PRPF8: variants seen among roughly 807,000 people sequenced by gnomAD.
PRPF8 encodes the protein pre-mRNA processing factor 8, also known as pre-mRNA-processing-splicing factor 8.
Under a neutral mutation model 285.9 loss-of-function variants are expected in PRPF8, and 64 were observed. The ratio of observed to expected loss-of-function variants is 0.22; its 90% CI spans 0.18 to 0.28. PRPF8 has a LOEUF of 0.28. PRPF8 is among the 10% of genes least tolerant of loss of function. PRPF8 has a pLI of 1.00. For synonymous variants in PRPF8, 1,325 were observed against 1,118.2 expected, an observed-to-expected ratio of 1.18 and a Z score of -3.69; for missense variants, 1,426 against 3,026.7, an observed-to-expected ratio of 0.47 and a Z score of 12.41.
intron 13 of PRPF8, 60 bp downstream of exon 13, chr17:1,678,458 A>G (rs1472681149): frequency 3.7e-6 from 6 of 1,607,560 alleles, no homozygotes; most frequent in East Asian, 2.2e-5. Context: ...ACACCAGCCC[A>G]AGAGACAAGA....
Position 1,679,504 on chromosome 17 carries a change from A to G in PRPF8, c.1290-94T>C, listed in dbSNP as rs577541966. 1.2e-3 allele frequency: 199 copies of G among 163,544 alleles called. No homozygotes were observed. The highest frequency in any genetic ancestry group is 8.8e-3 in the South Asian group (70 of 7,958). 10.1% of individuals were successfully genotyped at this position (163,544 alleles called of 1,614,324 possible). A position where few individuals can be genotyped will look rare whatever the true frequency, so the allele number is the denominator to read the frequency against. On this transcript the variant is annotated intron_variant, in intron 9 of 42. Coordinates refer to ENST00000304992, the MANE Select transcript of PRPF8 (RefSeq NM_006445.4). The surrounding 1 kb of genome is among the most constrained non-coding windows in gnomAD (Gnocchi z 4.7). The stretch of plus-strand genomic sequence containing the variant: ...TTGGGTTGTCTACCATTTTTATGGG[A>G]AAAAAAAAAAAAGAATTTAAAAAAA...
At chr17:1,681,732 A>G (rs767839437) in intron 5 of PRPF8, 42 bp from the exon 6 acceptor site, 2 of 1,610,108 alleles carry the variant, frequency 1.2e-6, no homozygotes, top group African/African-American at 1.3e-5. Flanking sequence ...AAGCAGCTAG[A>G]CAAACCCATA....
rs1329037168 is a variant in PRPF8 at position 1,655,517 on chromosome 17, C to T, written c.5820G>A (p.Leu1940=). The T allele has an allele frequency of 6.2e-7, 1 of 1,613,870 alleles. No homozygotes were observed. Among genetic ancestry groups the T allele is most frequent in the Non-Finnish European group, 8.5e-7 (1 of 1,179,804 alleles). ...YTAFSRLILI[L]RALHVNNDRA... is the part of the protein sequence containing the mutation. ...GATCGTTGTTCACATGTAGGGCACG[C>T]AGAATCAGGATGAGACGGGAGAAGG... is the stretch of plus-strand genomic sequence containing the variant. The change falls in exon 37 of 43, where the codon CTG becomes CTA. Residue 1940 remains leucine, a synonymous_variant. Coordinates refer to ENST00000304992, the MANE Select transcript of PRPF8 (RefSeq NM_006445.4).
intron 24 of PRPF8, among the ~76,000 whole-genome samples, chr17:1,668,805 A>C (rs1285857379): frequency 6.6e-6 from 1 of 152,094 alleles, no homozygotes; most frequent in Non-Finnish European, 1.5e-5. Context: ...TTCTGGGAAA[A>C]ACAAATGCTC....
chr17:1,658,475 C>T lies in PRPF8; in HGVS notation c.5376+51G>A. ...GTGTACACACTTAGCCCATTACTCT[C>T]CCACAGCCATGTACAGAGTCCCGCA... On this transcript the variant is annotated intron_variant, in intron 33 of 42. Coordinates refer to ENST00000304992, the MANE Select transcript of PRPF8 (RefSeq NM_006445.4). This position sits in a 1 kb window ranked among gnomAD's most constrained non-coding sequence, Gnocchi z 4.1. 6.2e-7 allele frequency: 1 copy of T among 1,613,140 alleles called. No homozygotes were observed. Among genetic ancestry groups the T allele is most frequent in the African/African-American group, 1.3e-5 (1 of 75,038 alleles).
Position 1,660,585 on chromosome 17 carries a change from G to A in PRPF8, c.4639-7C>T. ...CCTGAAAGCCTACATATACCTGCCA[G>A]GAAAACGACAATGTGACATTAGAGA... On this transcript the variant is annotated splice_region_variant and splice_polypyrimidine_tract_variant and intron_variant, in intron 29 of 42. Coordinates refer to ENST00000304992, the MANE Select transcript of PRPF8 (RefSeq NM_006445.4). 1.9e-6 allele frequency: 3 copies of A among 1,614,222 alleles called. No individual in the cohort carries two copies. The highest frequency in any genetic ancestry group is 2.5e-6 in the Non-Finnish European group (3 of 1,180,048).
At chr17:1,663,687 C>A (rs891530069) in intron 24 of PRPF8, among the ~76,000 whole-genome samples, 1 of 105,812 alleles carries the variant, frequency 9.5e-6, no homozygotes, top group Non-Finnish European at 1.7e-5. Flanking sequence ...CCAGCCTGGG[C>A]AACCAAGGAA....
chr17:1,684,199 T>C (rs541059906), intron 2 of PRPF8, among the ~76,000 whole-genome samples: 2 of 152,256 alleles, frequency 1.3e-5, no homozygotes, highest in East Asian at 1.9e-4. Context: ...ACATTTTTAT[T>C]ACAGAGCTTC....
At chr17:1,656,072 C>T (rs537645572) in intron 36 of PRPF8, among the ~76,000 whole-genome samples, 1 of 152,160 alleles carries the variant, frequency 6.6e-6, no homozygotes, top group South Asian at 2.1e-4. Context: ...AGGTGCATCC[C>T]AGCACACTCG....
rs763082322 is a variant in PRPF8, at chr17:1,650,841, C to T, written c.6969G>A (p.Gly2323=). 4.3e-6 allele frequency: 7 copies of T among 1,614,130 alleles called. No homozygotes were observed. Among genetic ancestry groups the T allele is most frequent in the Middle Eastern group, 1.6e-4 (1 of 6,062 alleles). ...HFLNFALLQE[G]EVYSADREDL... ...CCTCCCGATCCGCAGAGTAAACCTC[C>T]CCCTCCTGCAGGAGAGCAAAGTTGA... The change falls in exon 43 of 43, where the codon GGG becomes GGA. Residue 2323 remains glycine (G), a synonymous_variant. Coordinates refer to ENST00000304992, the MANE Select transcript of PRPF8 (RefSeq NM_006445.4).
At position 1,661,229 on chromosome 17, in the gene PRPF8, T is replaced by C; in HGVS notation, c.4338+42A>G. 1.2e-6 allele frequency: 2 copies of C among 1,614,160 alleles called. No individual in the cohort carries two copies. The highest frequency in any genetic ancestry group is 1.7e-5 in the Admixed American group (1 of 60,024). On this transcript the variant is annotated intron_variant, in intron 27 of 42. Transcript: ENST00000304992. The surrounding 1 kb of genome is among the most constrained non-coding windows in gnomAD (Gnocchi z 7.3). The stretch of plus-strand genomic sequence containing the variant: ...TTGCCCCAAGTTTCGGGGATAGCCA[T>C]GGATTTTCCTGACTCAGGGAAAATC...
rs1260592606 is a variant in PRPF8 at position 1,653,569 on chromosome 17, G to A, written c.6342C>T (p.Phe2114=). The A allele has an allele frequency of 1.2e-6, 2 of 1,614,202 alleles. No individual in the cohort carries two copies. Among genetic ancestry groups the A allele is most frequent in the Admixed American group, 1.7e-5 (1 of 60,020 alleles). The change falls in exon 39 of 43, where the codon TTC becomes TTT. Residue 2114 remains phenylalanine (F), a synonymous_variant. Coordinates refer to ENST00000304992, the MANE Select transcript of PRPF8 (RefSeq NM_006445.4). The surrounding 1 kb of genome is among the most constrained non-coding windows in gnomAD (Gnocchi z 4.9). The part of the protein sequence containing the change: ...YILPKNVLKK[F]ICISDLRAQI... The stretch of plus-strand genomic sequence containing the variant: ...GGGCCCGAAGGTCAGATATGCAGAT[G>A]AACTTCTTAAGCACATTCTTGGGAA...
rs1484503193 is a variant in PRPF8, at chr17:1,676,949, C to G, written c.2181+27G>C. ...CCTACCCTAAAGACGGATGTTTACGCCTCCAAGGAAATAAAGAGACACCCA... is the reference window on the plus strand; with the variant it reads ...CCTACCCTAAAGACGGATGTTTACGGCTCCAAGGAAATAAAGAGACACCCA... On this transcript the variant is annotated intron_variant, in intron 15 of 42. Coordinates refer to ENST00000304992, the MANE Select transcript of PRPF8 (RefSeq NM_006445.4). This position sits in a 1 kb window ranked among gnomAD's most constrained non-coding sequence, Gnocchi z 6.3. 1.2e-6 allele frequency: 2 copies of G among 1,611,920 alleles called. No individual in the cohort carries two copies. The highest frequency in any genetic ancestry group is 1.7e-6 in the Non-Finnish European group (2 of 1,179,780).
rs748142695 is a variant in PRPF8, at chr17:1,684,508, G to A, written c.64C>T (p.Pro22Ser). The part of the protein sequence containing the change: ...NPVPGPLAPL[P>S]DYMSEEKLQE... ...AGCTTCTCCTCCGACATGTAGTCCG[G>A]TAGCGGGGCTAGAGGGCCAGGCACC... The change falls in exon 2 of 43, where the codon CCG becomes TCG. Residue 22 changes from proline to serine, a missense_variant. Pro to Ser is a moderately conservative substitution (Grantham distance 74). Transcript: ENST00000304992. 2 of 1,612,552 alleles carry A rather than the reference G, an allele frequency of 1.2e-6. No homozygotes were observed. Among genetic ancestry groups the A allele is most frequent in the African/African-American group, 2.7e-5 (2 of 74,912 alleles).
At chr17:1,671,100 T>C (rs1290399858) in intron 24 of PRPF8, among the ~76,000 whole-genome samples, 2 of 152,164 alleles carry the variant, frequency 1.3e-5, no homozygotes, top group Non-Finnish European at 2.9e-5. Flanking sequence ...CCAGCAAACC[T>C]TGAACTTTCC....
rs779091173 is a variant in PRPF8 at position 1,659,286 on chromosome 17, A to G, written c.5138+71T>C. 250 of 1,578,702 alleles carry G rather than the reference A, an allele frequency of 1.6e-4. No homozygotes were observed. The highest frequency in any genetic ancestry group is 1.9e-4 in the Non-Finnish European group (216 of 1,149,884). On this transcript the variant is annotated intron_variant, in intron 32 of 42. Coordinates refer to ENST00000304992, the MANE Select transcript of PRPF8 (RefSeq NM_006445.4). The surrounding 1 kb of genome is among the most constrained non-coding windows in gnomAD (Gnocchi z 5.1). ...GACAATCTGCCCACCGCGGCCTCCC[A>G]AAGTGCTGGGATTACAGGTGTGAGC...
Position 1,660,686 on chromosome 17 carries a change from A to G in PRPF8, c.4638+12T>C, listed in dbSNP as rs1911637638. 1 of 1,614,076 alleles carries G rather than the reference A, an allele frequency of 6.2e-7. No individual in the cohort carries two copies. Among genetic ancestry groups the G allele is most frequent in the Non-Finnish European group, 8.5e-7 (1 of 1,180,052 alleles). On this transcript the variant is annotated intron_variant, in intron 29 of 42. Coordinates refer to ENST00000304992, the MANE Select transcript of PRPF8 (RefSeq NM_006445.4). ...TCTTTAGCTTCCCCTCTCCAGTGTCAATCACACTCACATTGGCTCGATTAA... is the reference window on the plus strand; with the variant it reads ...TCTTTAGCTTCCCCTCTCCAGTGTCGATCACACTCACATTGGCTCGATTAA...
rs776957553 is a variant in PRPF8, at chr17:1,673,065, C to T, written c.3774+16G>A. On this transcript the variant is annotated intron_variant, in intron 24 of 42. Transcript: ENST00000304992. The surrounding 1 kb of genome is among the most constrained non-coding windows in gnomAD (Gnocchi z 5.5). ...AGCAGAGGACAAGAGGGAAGCTGGG[C>T]ATGACGGCCCTGTACCTTGGTGAAG... is the stretch of plus-strand genomic sequence containing the variant. 2 of 1,611,592 alleles carry T rather than the reference C, an allele frequency of 1.2e-6. No homozygotes were observed. The highest frequency in any genetic ancestry group is 1.7e-6 in the Non-Finnish European group (2 of 1,177,792).
chr17:1,684,205 G>A (rs918361869), intron 2 of PRPF8, among the ~76,000 whole-genome samples: 8 of 152,024 alleles, frequency 5.3e-5, no homozygotes, highest in Admixed American at 4.6e-4. Context: ...TTATTACAGA[G>A]CTTCAAGGTT....
Sources: gnomAD v4.1 joint callset for allele counts (sites outside exome capture counted in the v4.1 genomes callset) on GRCh38, gnomAD v4.1.1 for gene constraint, Gnocchi (gnomAD v3.1) non-coding constraint, MANE v1.5 for transcripts, NCBI Gene and HGNC (gene_info 2026-07-23, HGNC 2026-07-21) for gene names.